Variants in CFAP47 observed in about 807,000 individuals in gnomAD.
The protein encoded by CFAP47 is cilia and flagella associated protein 47.
CFAP47 carries 29 observed loss-of-function variants against 148.1 expected under a neutral mutation model. The observed-to-expected ratio is 0.20, with a 90% CI of 0.15 to 0.27. The LOEUF (loss-of-function observed/expected upper bound fraction) is 0.27. CFAP47 is among the 10% of genes least tolerant of loss of function. The pLI, the probability that CFAP47 is intolerant of heterozygous loss-of-function variation, is 1.00. For synonymous variants in CFAP47, 664 were observed against 577.3 expected, an observed-to-expected ratio of 1.15 and a Z score of -2.15; for missense variants, 1,872 against 1,697.5, an observed-to-expected ratio of 1.10 and a Z score of -1.81.
intron 55 of CFAP47, 39 bp from the exon 56 acceptor site, chrX:36,310,794 G>T: frequency 9.8e-7 from 1 of 1,023,008 alleles, no homozygotes; most frequent in Non-Finnish European, 1.3e-6. Flanking sequence ...AATATATGCA[G>T]TTAGGACACA....
intron 37 of CFAP47, among the ~76,000 whole-genome samples, chrX:36,156,780 A>G (rs1421062898): frequency 9.0e-6 from 1 of 111,617 alleles, no homozygotes; most frequent in East Asian, 2.8e-4. Context: ...GTTTCTAACA[A>G]ATTCAGAAAA....
At chrX:36,198,602 A>G (rs1186096109) in intron 42 of CFAP47, among the ~76,000 whole-genome samples, 1 of 112,490 alleles carries the variant, frequency 8.9e-6, no homozygotes, top group Non-Finnish European at 1.9e-5. Flanking sequence ...GGCCATTTCA[A>G]AATGTCAAGG....
intron 26 of CFAP47, 45 bp from the exon 27 acceptor site, chrX:36,065,598 A>G: frequency 3.9e-6 from 3 of 763,684 alleles, no homozygotes; most frequent in Non-Finnish European, 5.9e-6. Context: ...CATTTACTGC[A>G]TCTGAAATTT....
chrX:35,950,434 C>A (rs145569433), intron 4 of CFAP47, among the ~76,000 whole-genome samples: 3 of 111,736 alleles, frequency 2.7e-5, no homozygotes, highest in Non-Finnish European at 5.6e-5. Context: ...GGTGCAATCA[C>A]GGCTTACTGC....
At chrX:36,070,235 CTT>C (rs1406010466) in intron 27 of CFAP47, among the ~76,000 whole-genome samples, 1 of 111,947 alleles carries the variant, frequency 8.9e-6, no homozygotes, top group Non-Finnish European at 1.9e-5. Context: ...AGCTCAGAAA[CTT>C]TGGTCTCATT....
At position 36,384,873 on chromosome X, in the gene CFAP47, A is replaced by G; in HGVS notation, c.9431A>G (p.Lys3144Arg). ...GTGCCACCAAAAAATGCAAAAGCCA[A>G]AATTGATGCTACTCACAAGACACAT... is the stretch of plus-strand genomic sequence containing the variant. ...TTVPPKNAKA[K>R]IDATHKTHDN... The change falls in exon 64 of 64, where the codon AAA (lysine) becomes AGA (arginine). Residue 3144 changes from lysine to arginine, a missense_variant. Coordinates refer to ENST00000378653, the MANE Select transcript of CFAP47 (RefSeq NM_001304548.2). The G allele has an allele frequency of 8.6e-7, 1 of 1,166,761 alleles. No individual in the cohort carries two copies.
chrX:36,022,141 C>T (rs1230542929), intron 22 of CFAP47: 5 of 111,669 alleles, frequency 4.5e-5, no homozygotes, highest in Admixed American at 1.9e-4. Flanking sequence ...AAGTACTCCA[C>T]GCATTCCTTG....
intron 57 of CFAP47, among the ~76,000 whole-genome samples, chrX:36,331,405 G>T (rs1005907786): frequency 1.8e-5 from 2 of 110,817 alleles, no homozygotes; most frequent in East Asian, 5.6e-4. Context: ...TTTATTGCAG[G>T]CTGGTGGATA....
At position 36,228,519 on chromosome X, in the gene CFAP47, T is replaced by C. The variant is rs1555991842; in HGVS notation, c.6818-109T>C. 17 of 456,902 alleles carry C rather than the reference T, an allele frequency of 3.7e-5. 1 individual carries two copies. The highest frequency in any genetic ancestry group is 1.8e-4 in the Admixed American group (5 of 27,447). The allele number at this position is 456,902 out of a possible 1,213,427, so 37.7% of individuals were successfully genotyped here. A position where few individuals can be genotyped will look rare whatever the true frequency, so the allele number is the denominator to read the frequency against. ...ATTGTGTTATCCCAGTGAAACCTAT[T>C]CTAGGTTATGCAGTACAATTTAATA... On this transcript the variant is annotated intron_variant, in intron 45 of 63. Transcript: ENST00000378653.
intron 26 of CFAP47, among the ~76,000 whole-genome samples, chrX:36,063,929 G>C (rs184126349): frequency 7.7e-4 from 86 of 112,357 alleles, no homozygotes; most frequent in African/African-American, 2.6e-3. Context: ...TGATGGAGCT[G>C]AGATTTGAAA....
chrX:36,236,570 A>T (rs987425492), intron 47 of CFAP47, 116 bp from the exon 48 acceptor site: 20 of 418,774 alleles, frequency 4.8e-5, no homozygotes, highest in Non-Finnish European at 7.9e-5. Flanking sequence ...GTCAATGGCT[A>T]ACACCTCTCT....
chrX:36,012,406 G>A (rs942522054), intron 21 of CFAP47, among the ~76,000 whole-genome samples: 3 of 111,631 alleles, frequency 2.7e-5, no homozygotes, highest in Non-Finnish European at 3.8e-5. Context: ...GCAAAGACTC[G>A]GAACAACCCA....
At chrX:36,117,465 T>C (rs1938661506) in intron 33 of CFAP47, among the ~76,000 whole-genome samples, 1 of 112,288 alleles carries the variant, frequency 8.9e-6, no homozygotes, top group African/African-American at 3.2e-5. Flanking sequence ...GGTGAGATGA[T>C]GTCTCATAGT....
In CFAP47 at chrX:36,236,623, C is replaced by G. The variant is rs1332243555; in HGVS notation, c.7159-63C>G. On this transcript the variant is annotated intron_variant, in intron 47 of 63. Transcript: ENST00000378653. ...ATCAGACACAAGAAGAATAAGATAG[C>G]AGAGGTTGTTTAACATTTATCTATG... 8.4e-6 allele frequency: 4 copies of G among 473,581 alleles called. No homozygotes were observed. In the African/African-American group the frequency reaches 9.8e-5, roughly 12 times the overall value. 39.0% of individuals were successfully genotyped at this position (473,581 alleles called of 1,213,427 possible).
At chrX:36,316,024 C>T (rs141311477) in intron 56 of CFAP47, among the ~76,000 whole-genome samples, 81 of 111,589 alleles carry the variant, frequency 7.3e-4, no homozygotes, top group African/African-American at 2.1e-3. Context: ...AACTTGTTCA[C>T]GATCATGGAG....
rs759879290 is a variant in CFAP47 at position 35,953,738 on chromosome X, A to G, written c.1174+19A>G. ...ATCAAAAGTAAGTGTGAAATTAACA[A>G]AATTATCAAATCCGTAGCCATTTAA... is the stretch of plus-strand genomic sequence containing the variant. On this transcript the variant is annotated intron_variant, in intron 7 of 63. Coordinates refer to ENST00000378653, the MANE Select transcript of CFAP47 (RefSeq NM_001304548.2). 2.3e-5 allele frequency: 27 copies of G among 1,149,367 alleles called. No individual in the cohort carries two copies. In the African/African-American group the frequency reaches 4.7e-4, roughly 20 times the overall value. 94.7% of individuals were successfully genotyped at this position (1,149,367 alleles called of 1,213,427 possible).
intron 50 of CFAP47, among the ~76,000 whole-genome samples, chrX:36,283,815 CTT>C (rs1440439744): frequency 1.8e-5 from 2 of 111,778 alleles, no homozygotes; most frequent in Non-Finnish European, 3.8e-5. Context: ...TGGGCAGACT[CTT>C]GAGATTCTTT....
chrX:36,187,883 A>G (rs1380990714), intron 40 of CFAP47, among the ~76,000 whole-genome samples: 1 of 111,956 alleles, frequency 8.9e-6, no homozygotes, highest in Non-Finnish European at 1.9e-5. Flanking sequence ...AATATTTTAC[A>G]GCATCAAATT....
At chrX:36,123,234 C>T (rs888241828) in intron 33 of CFAP47, among the ~76,000 whole-genome samples, 2 of 112,518 alleles carry the variant, frequency 1.8e-5, no homozygotes, top group Non-Finnish European at 3.8e-5. Flanking sequence ...AGTCTTAGGA[C>T]TGTGGTGAGC....
Sources: allele counts gnomAD v4.1 joint callset (sites outside exome capture counted in the v4.1 genomes callset), GRCh38; gene constraint gnomAD v4.1.1; transcripts MANE v1.5; gene names NCBI Gene and HGNC (gene_info 2026-07-23, HGNC 2026-07-21).